Variants in NPLOC4 observed in about 807,000 individuals in gnomAD.
NPLOC4 encodes nuclear protein localization protein 4 homolog.
In NPLOC4, 18 loss-of-function variants were observed where a neutral mutation model predicts 80.6. That is an observed-to-expected ratio of 0.22 (90% CI 0.15 to 0.33). The LOEUF is 0.33. Among genes scored for constraint, NPLOC4 ranks in the 10% least tolerant of loss-of-function variants. The pLI is 1.00. For missense variants in NPLOC4, 540 were observed against 786.1 expected (o/e 0.69, Z 3.74); for synonymous variants, 313 against 301.5 (o/e 1.04, Z -0.39).
intron 6 of NPLOC4, among the ~76,000 whole-genome samples, chr17:81,607,114 A>G (rs2035222651): frequency 6.6e-6 from 1 of 152,216 alleles, no homozygotes; most frequent in African/African-American, 2.4e-5. Flanking sequence ...GCTTTCAAGA[A>G]TACTGTAGAA....
intron 3 of NPLOC4, among the ~76,000 whole-genome samples, chr17:81,618,552 G>A (rs1306631286): frequency 3.9e-5 from 3 of 76,788 alleles, no homozygotes; most frequent in Non-Finnish European, 7.4e-5. Flanking sequence ...CAGTGCCCCC[G>A]CCCGGCCAGC....
intron 1 of NPLOC4, among the ~76,000 whole-genome samples, chr17:81,635,549 T>A (rs976643581): frequency 7.9e-5 from 12 of 152,064 alleles, no homozygotes; most frequent in African/African-American, 2.7e-4. Flanking sequence ...TTTGTGTGTG[T>A]GAGACAGTCT....
Position 81,577,286 on chromosome 17 carries a change from C to G in NPLOC4, c.1282-5198G>C, listed in dbSNP as rs1223521770. 1.3e-5 allele frequency among the ~76,000 whole-genome samples: 2 copies of G among 152,048 alleles called. No homozygotes were observed. The highest frequency in any genetic ancestry group is 2.9e-5 in the Non-Finnish European group (2 of 68,002). ...CTGCCTGTCCGCACAGCTCTCCAGA[C>G]AGAGGACCCCAGCACTGTCCCTTGG... On this transcript the variant is annotated intron_variant, in intron 12 of 16. Transcript: ENST00000331134. This position sits in a 1 kb window ranked among gnomAD's most constrained non-coding sequence, Gnocchi z 4.3.
chr17:81,586,868 C>T (rs1231351554), intron 12 of NPLOC4, among the ~76,000 whole-genome samples: 1 of 152,238 alleles, frequency 6.6e-6, no homozygotes, highest in East Asian at 1.9e-4. Context: ...CAAAATGCAA[C>T]TCGGCTCTGA....
intron 11 of NPLOC4, among the ~76,000 whole-genome samples, chr17:81,594,296 A>AC (rs1456040842): frequency 2.0e-5 from 3 of 150,646 alleles, no homozygotes; most frequent in Admixed American, 6.6e-5. Context: ...AAAAAAAAAA[A>AC]AAAAAAAACT....
intron 12 of NPLOC4, among the ~76,000 whole-genome samples, chr17:81,587,477 G>A (rs61207557): frequency 0.14 from 21,556 of 150,884 alleles, 1,802 homozygotes; most frequent in Admixed American, 0.23. Context: ...CACCATGCCC[G>A]GCTAACTTTT....
intron 9 of NPLOC4, among the ~76,000 whole-genome samples, chr17:81,598,094 C>CA (rs71367068): frequency 0.013 from 1,140 of 88,056 alleles, 7 homozygotes; most frequent in East Asian, 0.019. Context: ...GACTCTGTCT[C>CA]AAAAAAAAAA....
At chr17:81,628,991 G>A (rs1344429030) in intron 2 of NPLOC4, among the ~76,000 whole-genome samples, 1 of 149,604 alleles carries the variant, frequency 6.7e-6, no homozygotes, top group African/African-American at 2.5e-5. Context: ...TCATTCTCCT[G>A]CCTCAGCCTC....
At chr17:81,619,589 AGGC>A (rs981297092) in intron 3 of NPLOC4, among the ~76,000 whole-genome samples, 6 of 151,138 alleles carry the variant, frequency 4.0e-5, no homozygotes, top group South Asian at 2.1e-4. Context: ...AAAAGAAAAA[AGGC>A]GGGGTGCCAG....
chr17:81,635,318 G>A (rs542603872), intron 1 of NPLOC4, among the ~76,000 whole-genome samples: 40 of 142,408 alleles, frequency 2.8e-4, no homozygotes, highest in African/African-American at 8.6e-4. Flanking sequence ...CAGCCTGGGC[G>A]ACAGAGTGAG....
At chr17:81,602,210 A>G (rs1313037033) in intron 8 of NPLOC4, among the ~76,000 whole-genome samples, 1 of 152,128 alleles carries the variant, frequency 6.6e-6, no homozygotes, top group East Asian at 1.9e-4. Flanking sequence ...CAGGAGCGAG[A>G]CCTTGTTTCA....
At chr17:81,569,284 C>T (rs572890366) in intron 13 of NPLOC4, among the ~76,000 whole-genome samples, 173 bp from the exon 14 acceptor site, 4 of 152,338 alleles carry the variant, frequency 2.6e-5, no homozygotes, top group South Asian at 2.1e-4. Context: ...CATCTCTAAA[C>T]GAACACTTGG....
chr17:81,562,538 C>CA (rs1468591610), intron 16 of NPLOC4: 2 of 151,926 alleles, frequency 1.3e-5, no homozygotes, highest in Non-Finnish European at 2.9e-5. Flanking sequence ...GACTTTGTCT[C>CA]AAAACAAACA....
chr17:81,607,564 T>G (rs2035239811), intron 6 of NPLOC4, among the ~76,000 whole-genome samples: 1 of 152,182 alleles, frequency 6.6e-6, no homozygotes, highest in African/African-American at 2.4e-5. Context: ...ACTGATCATT[T>G]TTGGTGGTGA....
At chr17:81,574,600 G>T (rs1568124022) in intron 12 of NPLOC4, among the ~76,000 whole-genome samples, 2 of 152,326 alleles carry the variant, frequency 1.3e-5, no homozygotes, top group Non-Finnish European at 2.9e-5. Flanking sequence ...GAGGCACCAG[G>T]AGGTCGGAGG....
chr17:81,588,965 G>A lies in NPLOC4; in HGVS notation c.1260C>T (p.Tyr420=), dbSNP rs541064191. The stretch of plus-strand genomic sequence containing the variant: ...TTACCTTATAAAACACATCAGGCAC[G>A]TACTGCTCACTGCTAGACTCCTTGG... ...GYAKESSSEQ[Y]VPDVFYKDVD... Residue 420 remains tyrosine (Y), a synonymous_variant, in exon 12 of 17, where the codon TAC becomes TAT. Transcript: ENST00000331134. The A allele has an allele frequency of 5.6e-6, 9 of 1,613,710 alleles. No individual in the cohort carries two copies. The highest frequency in any genetic ancestry group is 2.7e-5 in the African/African-American group (2 of 75,042).
rs2036092320 is a variant in NPLOC4 at position 81,636,829 on chromosome 17, GGCAGGCC to G, written c.15+80_15+86del. Reference sequence around the variant, plus strand: ...GAGAAAGGGGCCGAGTCGCGGCGCCGGCAGGCCCGCCTCCCCCACAGGCCGAGGCCGG... The same window carrying G: ...GAGAAAGGGGCCGAGTCGCGGCGCCGCGCCTCCCCCACAGGCCGAGGCCGG... On this transcript the variant is annotated intron_variant, in intron 1 of 16. Coordinates refer to ENST00000331134, the MANE Select transcript of NPLOC4 (RefSeq NM_017921.4). The G allele has an allele frequency of 7.8e-6, 10 of 1,284,364 alleles. 1 individual carries two copies. The South Asian group carries it at 2.0e-4, about 25-fold the overall frequency. The allele number at this position is 1,284,364 out of a possible 1,614,324, so 79.6% of individuals were successfully genotyped here.
intron 3 of NPLOC4, among the ~76,000 whole-genome samples, chr17:81,617,669 T>A (rs867119114): frequency 9.6e-6 from 1 of 104,016 alleles, no homozygotes; most frequent in Non-Finnish European, 2.0e-5. Context: ...ATGCCCCCCC[T>A]CCCCCTCCGT....
At chr17:81,599,905 T>C (rs1395534249) in intron 9 of NPLOC4, among the ~76,000 whole-genome samples, 1 of 152,146 alleles carries the variant, frequency 6.6e-6, no homozygotes, top group Non-Finnish European at 1.5e-5. Context: ...GCACAGAACA[T>C]GAACACTGTC....
Sources: gnomAD v4.1 joint callset for allele counts (sites outside exome capture counted in the v4.1 genomes callset) on GRCh38, gnomAD v4.1.1 for gene constraint, Gnocchi (gnomAD v3.1) non-coding constraint, MANE v1.5 for transcripts, NCBI Gene and HGNC (gene_info 2026-07-23, HGNC 2026-07-21) for gene names.